Variants in AFG1L observed in about 807,000 individuals in gnomAD.
AFG1L encodes the protein AFG1-like ATPase.
In AFG1L, 53 loss-of-function variants were observed where a neutral mutation model predicts 62.2. The observed-to-expected ratio is 0.85, with a 90% CI of 0.68 to 1.07. The LOEUF (loss-of-function observed/expected upper bound fraction) is 1.07. Among genes scored for constraint, AFG1L ranks in the 50% least tolerant of loss-of-function variants. The pLI is 0.00. For synonymous variants in AFG1L, 228 were observed against 210.3 expected, an observed-to-expected ratio of 1.08 and a Z score of -0.73; for missense variants, 555 against 590.5, an observed-to-expected ratio of 0.94 and a Z score of 0.62.
intron 7 of AFG1L, among the ~76,000 whole-genome samples, chr6:108,410,762 C>G (rs80327770): frequency 1.5e-3 from 225 of 152,210 alleles, no homozygotes; most frequent in East Asian, 1.5e-3. Flanking sequence ...GTGAGAACTT[C>G]TGTAATTGAG....
At chr6:108,450,581 T>C (rs571551098) in intron 8 of AFG1L, among the ~76,000 whole-genome samples, 1 of 152,366 alleles carries the variant, frequency 6.6e-6, no homozygotes, top group African/African-American at 2.4e-5. Flanking sequence ...TTTCTTTTGC[T>C]GTGCAGAAGC....
intron 6 of AFG1L, among the ~76,000 whole-genome samples, chr6:108,368,471 A>C (rs1292273540): frequency 1.3e-5 from 2 of 152,214 alleles, no homozygotes; most frequent in Non-Finnish European, 2.9e-5. Context: ...ATTGTACTAC[A>C]AAAGAATTAT....
At chr6:108,442,024 A>G (rs1005319423) in intron 7 of AFG1L, among the ~76,000 whole-genome samples, 2 of 152,160 alleles carry the variant, frequency 1.3e-5, no homozygotes, top group South Asian at 4.1e-4. Flanking sequence ...AAAGAAATAG[A>G]GAACCTGGCA....
chr6:108,427,314 C>T (rs542715384), intron 7 of AFG1L, among the ~76,000 whole-genome samples: 7 of 151,844 alleles, frequency 4.6e-5, no homozygotes, highest in Admixed American at 6.6e-5. Context: ...GTCTCAAACC[C>T]GTGGCGTTAT....
At chr6:108,309,890 C>G (rs987196619) in intron 1 of AFG1L, among the ~76,000 whole-genome samples, 3 of 151,902 alleles carry the variant, frequency 2.0e-5, no homozygotes, top group African/African-American at 7.3e-5. Flanking sequence ...AGATTTTTAC[C>G]CAGCTTGCAA....
chr6:108,303,247 A>G (rs999610600), intron 1 of AFG1L, among the ~76,000 whole-genome samples: 10 of 151,958 alleles, frequency 6.6e-5, no homozygotes, highest in Non-Finnish European at 1.0e-4. Context: ...CAGTCTCACT[A>G]TATTGCTTTC....
rs183369790 is a variant in AFG1L, at chr6:108,433,768, T to C, written c.808-13446T>C. Among the ~76,000 whole-genome samples the C allele has an allele frequency of 7.2e-3, 1,087 of 151,968 alleles. 5 individuals are homozygous for C. Among genetic ancestry groups the C allele is most frequent in the Non-Finnish European group, 0.012 (793 of 67,942 alleles). Reference sequence around the variant, plus strand: ...GCACCATGTCTGGCTAATTTTTGTATTTTTAGTAGAGATGGGGTTTCACCA... The same window carrying C: ...GCACCATGTCTGGCTAATTTTTGTACTTTTAGTAGAGATGGGGTTTCACCA... On this transcript the variant is annotated intron_variant, in intron 7 of 12. Transcript: ENST00000368977.
At chr6:108,382,787 A>G (rs1442762288) in intron 6 of AFG1L, among the ~76,000 whole-genome samples, 2 of 152,220 alleles carry the variant, frequency 1.3e-5, no homozygotes, top group Non-Finnish European at 2.9e-5. Flanking sequence ...TATGACAACA[A>G]CTAGGTGGGA....
chr6:108,449,781 G>T (rs1224161361), intron 8 of AFG1L, among the ~76,000 whole-genome samples: 6 of 152,004 alleles, frequency 3.9e-5, no homozygotes, highest in Non-Finnish European at 5.9e-5. Context: ...GCCCTGGTGT[G>T]TGATGTTCCC....
chr6:108,451,639 G>A (rs1772058214), intron 8 of AFG1L, among the ~76,000 whole-genome samples: 2 of 152,130 alleles, frequency 1.3e-5, no homozygotes, highest in African/African-American at 4.8e-5. Flanking sequence ...AACACCCCAT[G>A]CTTGTCCAGT....
chr6:108,430,367 T>C lies in AFG1L; in HGVS notation c.808-16847T>C, dbSNP rs1195321803. Among the ~76,000 whole-genome samples the C allele has an allele frequency of 2.0e-5, 3 of 152,240 alleles. No homozygotes were observed. The East Asian group carries it at 5.8e-4, about 29-fold the overall frequency. On this transcript the variant is annotated intron_variant, in intron 7 of 12. Coordinates refer to ENST00000368977, the MANE Select transcript of AFG1L (RefSeq NM_145315.5). Reference sequence around the variant, plus strand: ...CTCTGGACATTTTATTGGGTGTTGCTTATACTTATTGAATTAACAACAAGC... The same window carrying C: ...CTCTGGACATTTTATTGGGTGTTGCCTATACTTATTGAATTAACAACAAGC...
At chr6:108,431,253 G>A (rs1472761164) in intron 7 of AFG1L, among the ~76,000 whole-genome samples, 1 of 151,928 alleles carries the variant, frequency 6.6e-6, no homozygotes, top group Admixed American at 6.6e-5. Context: ...AGAGGCACCT[G>A]CCACCACGCC....
intron 6 of AFG1L, among the ~76,000 whole-genome samples, chr6:108,381,964 A>G (rs929482082): frequency 2.0e-5 from 3 of 151,056 alleles, no homozygotes; most frequent in African/African-American, 7.3e-5. Context: ...CTGTAAGAGC[A>G]GTGAACTTTG....
At chr6:108,481,214 C>T (rs560981989) in intron 10 of AFG1L, among the ~76,000 whole-genome samples, 3 of 152,268 alleles carry the variant, frequency 2.0e-5, no homozygotes, top group Admixed American at 1.3e-4. Flanking sequence ...TGTTCCCTGC[C>T]GTTCCCTCCA....
intron 1 of AFG1L, among the ~76,000 whole-genome samples, chr6:108,300,332 A>G (rs1776936935): frequency 1.3e-5 from 2 of 152,040 alleles, no homozygotes; most frequent in Admixed American, 1.3e-4. Flanking sequence ...TTGTATTTTT[A>G]GTAGAGACAG....
In AFG1L at chr6:108,381,995, C is replaced by CTGT. The variant is rs1554191302; in HGVS notation, c.748+15665_748+15667dup. The stretch of plus-strand genomic sequence containing the variant: ...CTTTGGAGTTTCTGGTTTTTATTCA[C>CTGT]TGTTTTTTTTTTTTTTTTTTTTGAG... On this transcript the variant is annotated intron_variant, in intron 6 of 12. Transcript: ENST00000368977. Among the ~76,000 whole-genome samples the CTGT allele has an allele frequency of 2.2e-5, 3 of 138,194 alleles. No individual in the cohort carries two copies. In the Admixed American group the frequency reaches 2.2e-4, roughly 10 times the overall value. 90.7% of individuals were successfully genotyped at this position (138,194 alleles called of 152,430 possible).
chr6:108,329,788 CT>C (rs551496899), intron 2 of AFG1L, among the ~76,000 whole-genome samples: 290 of 152,162 alleles, frequency 1.9e-3, no homozygotes, highest in African/African-American at 6.7e-3. Flanking sequence ...GATGGAAAAA[CT>C]CCAGTGATGG....
chr6:108,384,570 A>C (rs1780682793), intron 6 of AFG1L, among the ~76,000 whole-genome samples: 1 of 152,248 alleles, frequency 6.6e-6, no homozygotes, highest in South Asian at 2.1e-4. Flanking sequence ...CCAAAATTGA[A>C]AATGAGGAAA....
chr6:108,524,971 C>T lies in AFG1L; in HGVS notation c.*2546C>T, dbSNP rs906171389. The T allele has an allele frequency of 6.6e-6, 1 of 152,220 alleles. No individual in the cohort carries two copies. The highest frequency in any genetic ancestry group is 1.5e-5 in the Non-Finnish European group (1 of 68,038). The allele number at this position is 152,220 out of a possible 1,614,324, so 9.4% of individuals were successfully genotyped here. A position where few individuals can be genotyped will look rare whatever the true frequency, so the allele number is the denominator to read the frequency against. Reference sequence around the variant, plus strand: ...ATATGTCTTTCTTCTGAGCCCTGCCCCTATTACATTCTCAGCATTCCAGTC... The same window carrying T: ...ATATGTCTTTCTTCTGAGCCCTGCCTCTATTACATTCTCAGCATTCCAGTC... On this transcript the variant is annotated 3_prime_UTR_variant, in exon 13 of 13. Coordinates refer to ENST00000368977, the MANE Select transcript of AFG1L (RefSeq NM_145315.5).
Sources: gnomAD v4.1 joint callset for allele counts (sites outside exome capture counted in the v4.1 genomes callset) on GRCh38, gnomAD v4.1.1 for gene constraint, MANE v1.5 for transcripts, NCBI Gene and HGNC (gene_info 2026-07-23, HGNC 2026-07-21) for gene names.